HDLBP: variants seen among roughly 807,000 people sequenced by gnomAD.
HDLBP encodes vigilin.
HDLBP carries 30 observed loss-of-function variants against 137.3 expected under a neutral mutation model. The ratio of observed to expected loss-of-function variants is 0.22; its 90% confidence interval spans 0.16 to 0.30. The LOEUF is 0.30. Ranked by LOEUF, HDLBP falls within the 10% of genes least tolerant of loss-of-function variation. The pLI is 1.00. For synonymous variants in HDLBP, 606 were observed against 596.0 expected, an observed-to-expected ratio of 1.02 and a Z score of -0.24; for missense variants, 1,119 against 1,667.3, an observed-to-expected ratio of 0.67 and a Z score of 5.73.
At chr2:241,235,414 G>T in intron 22 of HDLBP, 76 bp downstream of exon 22, 1 of 1,463,518 alleles carries the variant, frequency 6.8e-7, no homozygotes, top group Non-Finnish European at 9.5e-7. Context: ...ACAGGAAGTT[G>T]AGAAAGGACA....
rs769609365 is a variant in HDLBP, at chr2:241,229,588, T to A, written c.*13A>T. On this transcript the variant is annotated 3_prime_UTR_variant, in exon 28 of 28. Coordinates refer to ENST00000310931, the MANE Select transcript of HDLBP (RefSeq NM_005336.6). ...GGTCAGCAGGCTGGAGAGGGTTCTGTTCTTTTTGATCATTATCGTTTGGGG... is the reference window on the plus strand; with the variant it reads ...GGTCAGCAGGCTGGAGAGGGTTCTGATCTTTTTGATCATTATCGTTTGGGG... 1 of 1,604,998 alleles carries A rather than the reference T, an allele frequency of 6.2e-7. No homozygotes were observed. Among genetic ancestry groups the A allele is most frequent in the Admixed American group, 1.7e-5 (1 of 59,918 alleles).
chr2:241,244,647 T>C (rs2071524849), intron 16 of HDLBP, among the ~76,000 whole-genome samples: 1 of 152,154 alleles, frequency 6.6e-6, no homozygotes, highest in Non-Finnish European at 1.5e-5. Context: ...AAAGAAGTCA[T>C]TACCGGATAC....
At chr2:241,231,030 A>G (rs2069679176) in intron 24 of HDLBP, 86 bp from the exon 25 acceptor site, 1 of 1,172,244 alleles carries the variant, frequency 8.5e-7, no homozygotes, top group African/African-American at 1.5e-5. Flanking sequence ...TGCTGAGGAA[A>G]ACAGCTCAGG....
At chr2:241,288,372 G>T (rs1205735126) in intron 1 of HDLBP, among the ~76,000 whole-genome samples, 1 of 146,348 alleles carries the variant, frequency 6.8e-6, no homozygotes, top group African/African-American at 2.6e-5. Context: ...TTTAAAGGGG[G>T]ACTGAGTTCT....
chr2:241,297,112 T>TC (rs2075207914), intron 1 of HDLBP, among the ~76,000 whole-genome samples: 1 of 107,394 alleles, frequency 9.3e-6, no homozygotes, highest in African/African-American at 2.9e-5. Flanking sequence ...GGACTTGGAC[T>TC]TTTTTTGTTT....
At chr2:241,267,455 C>G (rs1478777234) in intron 2 of HDLBP, 21 of 881,812 alleles carry the variant, frequency 2.4e-5, no homozygotes, top group African/African-American at 3.3e-5. Flanking sequence ...CACCCCTAAC[C>G]GCAGGGGTGG....
intron 1 of HDLBP, among the ~76,000 whole-genome samples, chr2:241,279,603 C>T (rs995657755): frequency 6.6e-6 from 1 of 152,014 alleles, no homozygotes; most frequent in East Asian, 1.9e-4. Flanking sequence ...CAGATGTGGT[C>T]GTGTGGATCA....
rs1314480400 is a variant in HDLBP at position 241,239,910 on chromosome 2, G to A, written c.2382C>T (p.Ile794=). Residue 794 remains isoleucine, a synonymous_variant, in exon 18 of 28, where the codon ATC becomes ATT. Transcript: ENST00000310931. The surrounding 1 kb of genome is among the most constrained non-coding windows in gnomAD (Gnocchi z 4.6). ...GAGGCCCGCTCCCTACCAGGTTTTGGATCAAGGCCTCCAGCTCCTTCTGTG... is the reference window on the plus strand; with the variant it reads ...GAGGCCCGCTCCCTACCAGGTTTTGAATCAAGGCCTCCAGCTCCTTCTGTG... ...REAQKELEAL[I]QNLDNVVEDS... is the part of the protein sequence containing the mutation. 8 of 1,613,940 alleles carry A rather than the reference G, an allele frequency of 5.0e-6. No individual in the cohort carries two copies. The highest frequency in any genetic ancestry group is 5.9e-6 in the Non-Finnish European group (7 of 1,179,974).
Position 241,272,153 on chromosome 2 carries a change from A to G in HDLBP, c.-102-3612T>C. On this transcript the variant is annotated intron_variant, in intron 1 of 27. Transcript: ENST00000310931. The surrounding 1 kb of genome is among the most constrained non-coding windows in gnomAD (Gnocchi z 5.6). ...AGGCCCAAGAAGAGCAGCTTTCCCC[A>G]CCCCCGAACACGTAGACTGACGCGG... The G allele has an allele frequency of 2.0e-6, 2 of 983,682 alleles. No homozygotes were observed. Among genetic ancestry groups the G allele is most frequent in the Non-Finnish European group, 2.4e-6 (2 of 828,798 alleles). The allele number at this position is 983,682 out of a possible 1,614,324, so 60.9% of individuals were successfully genotyped here. A position where few individuals can be genotyped will look rare whatever the true frequency, so the allele number is the denominator to read the frequency against.
At chr2:241,244,985 T>G (rs2071547771) in intron 16 of HDLBP, among the ~76,000 whole-genome samples, 1 of 152,156 alleles carries the variant, frequency 6.6e-6, no homozygotes, top group Non-Finnish European at 1.5e-5. Context: ...TGCACAACCT[T>G]GTGAATGTAC....
chr2:241,279,327 A>G (rs2074512999), intron 1 of HDLBP, among the ~76,000 whole-genome samples: 1 of 152,240 alleles, frequency 6.6e-6, no homozygotes, highest in Non-Finnish European at 1.5e-5. Context: ...TGCATTGCAA[A>G]CACTGAATTG....
At chr2:241,241,833 T>A (rs371477692) in intron 17 of HDLBP, among the ~76,000 whole-genome samples, 2 of 151,994 alleles carry the variant, frequency 1.3e-5, no homozygotes, top group Admixed American at 6.6e-5. Flanking sequence ...CTAAAAAAAA[T>A]GGAGAAATGC....
At chr2:241,286,946 C>CA (rs34791807) in intron 1 of HDLBP, among the ~76,000 whole-genome samples, 62,908 of 127,932 alleles carry the variant, frequency 0.49, 15,901 homozygotes, top group East Asian at 0.78. Context: ...ACCCTGTTTC[C>CA]AAAAAAAAAA....
At chr2:241,300,935 T>C (rs368483915) in intron 1 of HDLBP, among the ~76,000 whole-genome samples, 35 of 150,398 alleles carry the variant, frequency 2.3e-4, no homozygotes, top group African/African-American at 8.3e-4. Context: ...AGTGAACTGA[T>C]TTCATGCACA....
intron 1 of HDLBP, among the ~76,000 whole-genome samples, chr2:241,284,810 C>G (rs1208542303): frequency 2.0e-5 from 3 of 152,200 alleles, no homozygotes; most frequent in Non-Finnish European, 4.4e-5. Context: ...AAAGCGAGAC[C>G]TTCCAGCAGC....
intron 1 of HDLBP, among the ~76,000 whole-genome samples, chr2:241,306,478 C>T (rs1010597756): frequency 6.6e-6 from 1 of 151,826 alleles, no homozygotes; most frequent in Admixed American, 6.6e-5. Context: ...AGGCCAGTCT[C>T]GAACTCCTGA....
rs549788633 is a variant in HDLBP, at chr2:241,265,457, TC to T, written c.77-853del. 5.7e-3 allele frequency among the ~76,000 whole-genome samples: 869 copies of T among 152,224 alleles called. 16 individuals are homozygous for T. Among genetic ancestry groups the T allele is most frequent in the African/African-American group, 0.019 (806 of 41,528 alleles). The stretch of plus-strand genomic sequence containing the variant: ...GCAGTGGCAATTGTCACCGCTGATC[TC>T]CCCCTGCCCTGCCCAAGGCAGAGGA... On this transcript the variant is annotated intron_variant, in intron 3 of 27. Coordinates refer to ENST00000310931, the MANE Select transcript of HDLBP (RefSeq NM_005336.6).
intron 1 of HDLBP, among the ~76,000 whole-genome samples, chr2:241,298,380 A>ATAC (rs769191262): frequency 4.3e-4 from 66 of 151,950 alleles, no homozygotes; most frequent in Non-Finnish European, 7.8e-4. Context: ...AATAATAATA[A>ATAC]TGAAAAAAAT....
intron 1 of HDLBP, among the ~76,000 whole-genome samples, chr2:241,304,423 A>G (rs1469304955): frequency 5.3e-5 from 8 of 152,242 alleles, no homozygotes. Context: ...AATGATGGAA[A>G]CACTAACCCA....
Sources: gnomAD v4.1 joint callset for allele counts (sites outside exome capture counted in the v4.1 genomes callset) on GRCh38, gnomAD v4.1.1 for gene constraint, Gnocchi (gnomAD v3.1) non-coding constraint, MANE v1.5 for transcripts, NCBI Gene and HGNC (gene_info 2026-07-23, HGNC 2026-07-21) for gene names.